The following ANKS1B variants were observed in gnomAD, a reference collection of about 807,000 sequenced individuals.
ANKS1B encodes ankyrin repeat and sterile alpha motif domain-containing protein 1B.
In ANKS1B, 36 loss-of-function variants were observed where a neutral mutation model predicts 148.3. The ratio of observed to expected loss-of-function variants is 0.24; its 90% CI spans 0.19 to 0.32. The LOEUF is 0.32. Ranked by LOEUF, ANKS1B falls within the 10% of genes least tolerant of loss-of-function variation. ANKS1B has a pLI of 1.00. For synonymous variants in ANKS1B, 542 were observed against 560.8 expected (o/e 0.97, Z 0.47); for missense variants, 1,157 against 1,542.6 (o/e 0.75, Z 4.19).
chr12:99,632,765 A>ATTTT (rs1475764324), intron 9 of ANKS1B, among the ~76,000 whole-genome samples: 7 of 81,588 alleles, frequency 8.6e-5, no homozygotes, highest in African/African-American at 3.3e-4. Context: ...ATATATATAT[A>ATTTT]TATTTTAATT....
chr12:98,966,243 T>G (rs956092715), intron 17 of ANKS1B, among the ~76,000 whole-genome samples: 54 of 152,270 alleles, frequency 3.5e-4, no homozygotes, highest in African/African-American at 1.3e-3. Flanking sequence ...GCAAAGGATC[T>G]GAACAGACAA....
intron 9 of ANKS1B, among the ~76,000 whole-genome samples, chr12:99,562,782 G>T (rs1324342153): frequency 6.6e-6 from 1 of 152,162 alleles, no homozygotes; most frequent in Non-Finnish European, 1.5e-5. Context: ...TACTTCCCAT[G>T]AGGTCCCTCC....
intron 9 of ANKS1B, among the ~76,000 whole-genome samples, chr12:99,543,500 T>C (rs1185968899): frequency 6.6e-6 from 1 of 152,094 alleles, no homozygotes; most frequent in African/African-American, 2.4e-5. Flanking sequence ...TGAAAACAAA[T>C]GTTCATACAA....
At chr12:99,861,652 C>G (rs1474097107) in intron 1 of ANKS1B, among the ~76,000 whole-genome samples, 1 of 152,150 alleles carries the variant, frequency 6.6e-6, no homozygotes, top group Non-Finnish European at 1.5e-5. Flanking sequence ...ATATCTCCCT[C>G]CCTCATGATC....
At position 99,050,989 on chromosome 12, in the gene ANKS1B, G is replaced by A. The variant is rs546076609; in HGVS notation, c.2778+2168C>T. 9.9e-5 allele frequency among the ~76,000 whole-genome samples: 15 copies of A among 152,006 alleles called. No homozygotes were observed. The South Asian group carries it at 2.9e-3, about 29-fold the overall frequency. Reference sequence around the variant, plus strand: ...TGGGATTACCGGCGTGAACCACCACGCCTGACTAGAAAAGACTAATTTTCT... The same window carrying A: ...TGGGATTACCGGCGTGAACCACCACACCTGACTAGAAAAGACTAATTTTCT... On this transcript the variant is annotated intron_variant, in intron 17 of 26. Transcript: ENST00000683438.
chr12:99,305,452 C>A (rs568192198), intron 12 of ANKS1B, among the ~76,000 whole-genome samples: 2 of 152,042 alleles, frequency 1.3e-5, no homozygotes, highest in Admixed American at 6.6e-5. Context: ...TATTGTTTCC[C>A]TAGCATAATG....
intron 11 of ANKS1B, among the ~76,000 whole-genome samples, chr12:99,417,329 T>A (rs1426666898): frequency 6.6e-6 from 1 of 152,248 alleles, no homozygotes; most frequent in Non-Finnish European, 1.5e-5. Flanking sequence ...ACTGCTTTTG[T>A]ACCTTTGTCA....
In ANKS1B at chr12:99,814,448, C is replaced by T. The variant is rs529031708; in HGVS notation, c.216-2137G>A. On this transcript the variant is annotated intron_variant, in intron 2 of 26. Transcript: ENST00000683438. ...TGAAATGCTTATAGAAAGTCACCTT[C>T]GAAAAACAGAATCAGAAAATCAGAA... Among the ~76,000 whole-genome samples, 6 of 151,718 alleles carry T rather than the reference C, an allele frequency of 4.0e-5. No individual in the cohort carries two copies. The South Asian group carries it at 6.2e-4, about 16-fold the overall frequency.
intron 14 of ANKS1B, among the ~76,000 whole-genome samples, chr12:99,178,499 A>G (rs2078684490): frequency 6.6e-6 from 1 of 152,178 alleles, no homozygotes; most frequent in Admixed American, 6.5e-5. Flanking sequence ...GCATGTGAAT[A>G]TGTTGCAATT....
chr12:98,748,604 G>A (rs1367484097), intron 26 of ANKS1B, among the ~76,000 whole-genome samples: 1 of 152,198 alleles, frequency 6.6e-6, no homozygotes, highest in Non-Finnish European at 1.5e-5. Flanking sequence ...ATAAAGCTGT[G>A]GGGAGGACCT....
At chr12:99,941,072 C>A (rs1478843230) in intron 1 of ANKS1B, among the ~76,000 whole-genome samples, 2 of 151,986 alleles carry the variant, frequency 1.3e-5, no homozygotes, top group Non-Finnish European at 2.9e-5. Context: ...TAGTACCTAG[C>A]AGAATATCTG....
chr12:99,643,158 T>A (rs993321197), intron 9 of ANKS1B, among the ~76,000 whole-genome samples: 1 of 152,190 alleles, frequency 6.6e-6, no homozygotes, highest in South Asian at 2.1e-4. Flanking sequence ...GGACACCAAA[T>A]AATCACATTC....
At chr12:99,034,088 G>A (rs977521892) in intron 17 of ANKS1B, among the ~76,000 whole-genome samples, 3 of 152,166 alleles carry the variant, frequency 2.0e-5, no homozygotes, top group Non-Finnish European at 4.4e-5. Flanking sequence ...GCTTGTTAGA[G>A]CTCACCCCAG....
chr12:99,448,698 T>C (rs1405606429), intron 10 of ANKS1B, among the ~76,000 whole-genome samples: 1 of 152,128 alleles, frequency 6.6e-6, no homozygotes, highest in Non-Finnish European at 1.5e-5. Flanking sequence ...AATTTTTGTC[T>C]ATTTAAAAAT....
At chr12:98,968,046 C>T (rs1053654977) in intron 17 of ANKS1B, among the ~76,000 whole-genome samples, 2 of 152,056 alleles carry the variant, frequency 1.3e-5, no homozygotes, top group African/African-American at 4.8e-5. Flanking sequence ...TGGTGGAAGA[C>T]AGGGAAAGTA....
chr12:99,665,640 C>A (rs1025556483), intron 8 of ANKS1B, among the ~76,000 whole-genome samples: 1 of 152,048 alleles, frequency 6.6e-6, no homozygotes, highest in Admixed American at 6.6e-5. Context: ...GCGCCCACCA[C>A]CACGCCCGGC....
At chr12:99,043,849 T>C (rs2099960620) in intron 17 of ANKS1B, among the ~76,000 whole-genome samples, 1 of 152,208 alleles carries the variant, frequency 6.6e-6, no homozygotes, top group Non-Finnish European at 1.5e-5. Flanking sequence ...CCATTATAAT[T>C]TACTTTGAAT....
intron 8 of ANKS1B, among the ~76,000 whole-genome samples, chr12:99,701,682 G>A (rs999701309): frequency 7.3e-5 from 11 of 149,920 alleles, no homozygotes; most frequent in African/African-American, 2.5e-4. Flanking sequence ...CCCCATCCCC[G>A]CCCCCAACAC....
At chr12:98,814,824 A>G (rs373261986) in intron 19 of ANKS1B, among the ~76,000 whole-genome samples, 1 of 152,228 alleles carries the variant, frequency 6.6e-6, no homozygotes, top group African/African-American at 2.4e-5. Context: ...CCAATAATTT[A>G]ATGTTTACTT....
Sources: allele counts gnomAD v4.1 joint callset (sites outside exome capture counted in the v4.1 genomes callset), GRCh38; gene constraint gnomAD v4.1.1; transcripts MANE v1.5; gene names NCBI Gene and HGNC (gene_info 2026-07-23, HGNC 2026-07-21).